RNGTT: variants seen among roughly 807,000 people sequenced by gnomAD.
RNGTT encodes the protein RNA guanylyltransferase and 5'-phosphatase.
In RNGTT, 33 loss-of-function variants were observed where a neutral mutation model predicts 79.3. The ratio of observed to expected loss-of-function variants is 0.42; its 90% confidence interval spans 0.32 to 0.56. The LOEUF (loss-of-function observed/expected upper bound fraction) is 0.56. Ranked by LOEUF, RNGTT falls within the 20% of genes least tolerant of loss-of-function variation. The pLI, the probability that RNGTT is intolerant of heterozygous loss-of-function variation, is 0.17. For missense variants in RNGTT, 497 were observed against 739.1 expected (o/e 0.67, Z 3.80); for synonymous variants, 222 against 235.9 (o/e 0.94, Z 0.54).
At chr6:88,866,944 C>T (rs1024145083) in intron 8 of RNGTT, among the ~76,000 whole-genome samples, 1 of 152,162 alleles carries the variant, frequency 6.6e-6, no homozygotes, top group Non-Finnish European at 1.5e-5. Flanking sequence ...CTTTGATATC[C>T]TCATCTATAA....
intron 13 of RNGTT, among the ~76,000 whole-genome samples, chr6:88,759,368 G>A (rs1428215048): frequency 6.6e-6 from 1 of 152,146 alleles, no homozygotes; most frequent in Non-Finnish European, 1.5e-5. Context: ...TTTCTCTGAA[G>A]ATCTCTGGTT....
chr6:88,665,283 A>C (rs1305165178), intron 14 of RNGTT, among the ~76,000 whole-genome samples: 1 of 152,152 alleles, frequency 6.6e-6, no homozygotes, highest in African/African-American at 2.4e-5. Context: ...TCCTGTACTC[A>C]GGGAAGTTAA....
intron 11 of RNGTT, among the ~76,000 whole-genome samples, chr6:88,814,756 CTG>C (rs2127874263): frequency 6.6e-6 from 1 of 151,642 alleles, no homozygotes; most frequent in African/African-American, 2.4e-5. Context: ...AATGACTAGT[CTG>C]GATGTCATGA....
chr6:88,632,721 A>G (rs954379178), intron 14 of RNGTT, among the ~76,000 whole-genome samples: 7 of 151,800 alleles, frequency 4.6e-5, no homozygotes, highest in African/African-American at 1.5e-4. Context: ...GTCAGGGGGG[A>G]AAAAAATCTC....
At chr6:88,938,113 T>C (rs915214713) in intron 2 of RNGTT, among the ~76,000 whole-genome samples, 4 of 152,234 alleles carry the variant, frequency 2.6e-5, no homozygotes, top group African/African-American at 9.6e-5. Flanking sequence ...ATCTGTCTAA[T>C]GATGACAGTG....
chr6:88,938,777 T>C (rs1784751343), intron 2 of RNGTT, among the ~76,000 whole-genome samples: 1 of 152,212 alleles, frequency 6.6e-6, no homozygotes, highest in Non-Finnish European at 1.5e-5. Context: ...TACAGGACTG[T>C]CTAACGCATT....
At chr6:88,861,185 A>C (rs1782002793) in intron 8 of RNGTT, among the ~76,000 whole-genome samples, 1 of 152,156 alleles carries the variant, frequency 6.6e-6, no homozygotes, top group Non-Finnish European at 1.5e-5. Context: ...AAGTCCCTGA[A>C]AGCTAATTCT....
At chr6:88,846,896 T>C (rs1264556545) in intron 10 of RNGTT, among the ~76,000 whole-genome samples, 1 of 152,196 alleles carries the variant, frequency 6.6e-6, no homozygotes, top group African/African-American at 2.4e-5. Flanking sequence ...CCAGGGAAGT[T>C]GGAATACTCT....
chr6:88,715,237 A>G (rs1776466726), intron 13 of RNGTT, among the ~76,000 whole-genome samples: 1 of 152,196 alleles, frequency 6.6e-6, no homozygotes, highest in Non-Finnish European at 1.5e-5. Flanking sequence ...AGAATAAAAT[A>G]CCCAGGAATC....
intron 1 of RNGTT, among the ~76,000 whole-genome samples, chr6:88,961,950 A>T (rs1785642515): frequency 1.3e-5 from 2 of 152,242 alleles, no homozygotes; most frequent in African/African-American, 4.8e-5. Flanking sequence ...TACCCAGAAC[A>T]ATAAACTACT....
intron 13 of RNGTT, among the ~76,000 whole-genome samples, chr6:88,681,078 T>C (rs1304979933): frequency 6.6e-6 from 1 of 152,196 alleles, no homozygotes; most frequent in African/African-American, 2.4e-5. Context: ...TATATAGCAG[T>C]AGTTTAATTT....
chr6:88,881,824 A>G (rs1267903424), intron 8 of RNGTT, among the ~76,000 whole-genome samples: 1 of 152,164 alleles, frequency 6.6e-6, no homozygotes, highest in Non-Finnish European at 1.5e-5. Flanking sequence ...ACCTACTCCC[A>G]CTGCCCTACT....
At chr6:88,755,302 A>T (rs1265616944) in intron 13 of RNGTT, among the ~76,000 whole-genome samples, 1 of 152,214 alleles carries the variant, frequency 6.6e-6, no homozygotes, top group African/African-American at 2.4e-5. Context: ...GTGGTAGGTG[A>T]CAAATCTTGC....
At chr6:88,963,238 T>C in intron 1 of RNGTT, 108 bp downstream of exon 1, 1 of 1,147,532 alleles carries the variant, frequency 8.7e-7, no homozygotes, top group South Asian at 1.3e-5. Flanking sequence ...ATCCCGCTCC[T>C]GAAATACCAC....
chr6:88,837,495 C>T (rs1781120909), intron 11 of RNGTT, among the ~76,000 whole-genome samples: 2 of 151,894 alleles, frequency 1.3e-5, no homozygotes, highest in South Asian at 4.2e-4. Context: ...GAGTGTACCA[C>T]TGATGAAAAA....
chr6:88,652,098 G>C (rs897116602), intron 14 of RNGTT, among the ~76,000 whole-genome samples: 2 of 151,992 alleles, frequency 1.3e-5, no homozygotes, highest in Admixed American at 6.6e-5. Context: ...TATTATTTTA[G>C]CAGATGAATG....
intron 14 of RNGTT, among the ~76,000 whole-genome samples, chr6:88,628,424 A>G (rs1772718115): frequency 6.6e-6 from 1 of 152,066 alleles, no homozygotes; most frequent in Non-Finnish European, 1.5e-5. Context: ...GCCCTCCCCA[A>G]TTATCTGTAT....
At chr6:88,944,901 G>C (rs1028451948) in intron 1 of RNGTT, among the ~76,000 whole-genome samples, 9 of 152,260 alleles carry the variant, frequency 5.9e-5, no homozygotes, top group African/African-American at 2.2e-4. Context: ...GGGGGAAAGG[G>C]GGGCAACTGC....
chr6:88,946,381 T>A (rs1785010128), intron 1 of RNGTT, among the ~76,000 whole-genome samples: 1 of 152,144 alleles, frequency 6.6e-6, no homozygotes. Context: ...TCCGTCTCTC[T>A]CCCTCTCCTG....
Sources: allele counts gnomAD v4.1 joint callset (sites outside exome capture counted in the v4.1 genomes callset), GRCh38; gene constraint gnomAD v4.1.1; transcripts MANE v1.5; gene names NCBI Gene and HGNC (gene_info 2026-07-23, HGNC 2026-07-21).